ERAP1: variants seen among roughly 807,000 people sequenced by gnomAD.
ERAP1 encodes the protein adipocyte-derived leucine aminopeptidase.
A neutral mutation model predicts 103.7 loss-of-function variants in ERAP1; 86 were observed. The observed-to-expected ratio is 0.83, with a 90% CI of 0.70 to 0.99. ERAP1 has a LOEUF of 0.99. ERAP1 is among the 50% of genes least tolerant of loss of function. The pLI, the probability that ERAP1 is intolerant of heterozygous loss-of-function variation, is 0.00. For synonymous variants in ERAP1, 398 were observed against 402.4 expected (o/e 0.99, Z 0.13); for missense variants, 1,009 against 1,128.4 (o/e 0.89, Z 1.52).
the ERAP1 span, chr5:96,884,051 T>TATC: frequency 1.8e-6 from 1 of 566,224 alleles, no homozygotes; most frequent in Non-Finnish European, 3.0e-6. Context: ...TCTATCTATC[T>TATC]ATCTATCTAT....
chr5:96,905,690 C>T, the ERAP1 span, among the ~76,000 whole-genome samples: 1 of 151,968 alleles, frequency 6.6e-6, no homozygotes, highest in Non-Finnish European at 1.5e-5. Flanking sequence ...TTGAGATCAG[C>T]CTGGGCAACA....
rs117166376 is a variant in ERAP1 at position 96,786,724 on chromosome 5, G to C, written c.1680-175C>G. 1.3e-3 allele frequency: 773 copies of C among 588,226 alleles called. 8 individuals are homozygous for C. The East Asian group carries it at 0.02, about 15-fold the overall frequency. 36.4% of individuals were successfully genotyped at this position (588,226 alleles called of 1,614,324 possible). On this transcript the variant is annotated intron_variant, in intron 11 of 18. Transcript: ENST00000443439. ...TTTTCCAGCTTTGTAGGGAGTGTCAGCTCGGGCACTATTTCCTTTTCTTGG... is the reference window on the plus strand; with the variant it reads ...TTTTCCAGCTTTGTAGGGAGTGTCACCTCGGGCACTATTTCCTTTTCTTGG...
At chr5:96,918,085 C>G in the ERAP1 span, 1 of 152,644 alleles carries the variant, frequency 6.6e-6, no homozygotes, top group Non-Finnish European at 1.5e-5. Context: ...GCTGCCTGCT[C>G]TCAGCTATCG....
chr5:96,854,878 T>G, the ERAP1 span, among the ~76,000 whole-genome samples: 4 of 152,190 alleles, frequency 2.6e-5, no homozygotes, highest in East Asian at 7.7e-4. Flanking sequence ...GCCTTTTTAA[T>G]CATTAATTTT....
intron 15 of ERAP1, among the ~76,000 whole-genome samples, chr5:96,782,111 C>T (rs1354020745): frequency 2.0e-5 from 3 of 151,688 alleles, no homozygotes; most frequent in East Asian, 1.9e-4. Context: ...CCCGGGTTCA[C>T]GCCATTCTCC....
At chr5:96,776,729 G>T in intron 18 of ERAP1, 178 bp from the exon 19 acceptor site, 1 of 817,982 alleles carries the variant, frequency 1.2e-6, no homozygotes, top group Non-Finnish European at 1.8e-6. Context: ...CATGCCTCAT[G>T]ATGTCAAGTT....
At chr5:96,898,248 G>A in the ERAP1 span, among the ~76,000 whole-genome samples, 20 of 151,758 alleles carry the variant, frequency 1.3e-4, no homozygotes, top group African/African-American at 3.1e-4. Context: ...CAAAGTTAAA[G>A]AATAAAAAGC....
At chr5:96,813,650 CAAAAAAAAA>C in the ERAP1 span, among the ~76,000 whole-genome samples, 1,499 of 55,126 alleles carry the variant, frequency 0.027, 72 homozygotes, top group African/African-American at 0.1. Context: ...AGACTCATCT[CAAAAAAAAA>C]AAAAAAAAAA....
the ERAP1 span, among the ~76,000 whole-genome samples, chr5:96,840,312 T>G: frequency 1.3e-5 from 2 of 152,332 alleles, no homozygotes; most frequent in African/African-American, 4.8e-5. Context: ...AGCCCCAGAT[T>G]ATAATCTTTC....
At chr5:96,925,910 G>C in the ERAP1 span, among the ~76,000 whole-genome samples, 1 of 120,180 alleles carries the variant, frequency 8.3e-6, no homozygotes. Flanking sequence ...AGTATAATTT[G>C]CTTTTTTTTT....
Position 96,762,368 on chromosome 5 carries a change from C to T in ERAP1, c.*832G>A. ...CAAGCTGGAGCCCCACCCCGTGATA[C>T]CTCGGTAAGCAGCACATCTTATTTG... On this transcript the variant is annotated 3_prime_UTR_variant, in exon 20 of 20. Coordinates refer to the ERAP1 transcript ENST00000296754. 6.3e-7 allele frequency: 1 copy of T among 1,588,182 alleles called. No individual in the cohort carries two copies.
At chr5:96,823,162 G>A in the ERAP1 span, 2 of 455,800 alleles carry the variant, frequency 4.4e-6, no homozygotes, top group African/African-American at 4.0e-5. Context: ...CCATTAGGGT[G>A]AGCCTTACAA....
chr5:96,853,281 G>C, the ERAP1 span, among the ~76,000 whole-genome samples: 1 of 152,128 alleles, frequency 6.6e-6, no homozygotes, highest in Admixed American at 6.6e-5. Context: ...CAGGGGAGAG[G>C]TTGTTTGCTC....
chr5:96,792,495 G>A (rs1294893542), intron 7 of ERAP1, among the ~76,000 whole-genome samples: 1 of 152,030 alleles, frequency 6.6e-6, no homozygotes, highest in Non-Finnish European at 1.5e-5. Flanking sequence ...AACACAACAA[G>A]AAATTAACTG....
the ERAP1 span, chr5:96,934,384 A>G: frequency 6.6e-6 from 1 of 152,276 alleles, no homozygotes; most frequent in African/African-American, 2.4e-5. Context: ...TAGGCAAAGC[A>G]CTAAGCAGAA....
At chr5:96,793,725 T>C (rs935178077) in intron 6 of ERAP1, 78 bp downstream of exon 6, 64 of 1,342,624 alleles carry the variant, frequency 4.8e-5, no homozygotes, top group Non-Finnish European at 6.0e-5. Context: ...GTAAAAATTA[T>C]ATAAATAGCC....
chr5:96,794,512 T>G lies in ERAP1; in HGVS notation c.919+530A>C, dbSNP rs529713063. On this transcript the variant is annotated intron_variant, in intron 5 of 18. Transcript: ENST00000443439. Reference sequence around the variant, plus strand: ...GCCTTTTCAGGCCTCTTGACTCCATTTCTAACCTTCTGATGAGGAGTTTGG... The same window carrying G: ...GCCTTTTCAGGCCTCTTGACTCCATGTCTAACCTTCTGATGAGGAGTTTGG... Among the ~76,000 whole-genome samples, 11 of 152,244 alleles carry G rather than the reference T, an allele frequency of 7.2e-5. No individual in the cohort carries two copies. In the South Asian group the frequency reaches 2.3e-3, roughly 32 times the overall value.
At chr5:96,907,151 T>C in the ERAP1 span, among the ~76,000 whole-genome samples, 1 of 152,256 alleles carries the variant, frequency 6.6e-6, no homozygotes, top group Non-Finnish European at 1.5e-5. Flanking sequence ...GGACTTTTAC[T>C]GTTGAGCTAA....
chr5:96,864,824 A>G, the ERAP1 span, among the ~76,000 whole-genome samples: 1 of 151,978 alleles, frequency 6.6e-6, no homozygotes, highest in South Asian at 2.1e-4. Context: ...TTTTTTTTTC[A>G]AAGTGACTTA....
Sources: gnomAD v4.1 joint callset for allele counts (sites outside exome capture counted in the v4.1 genomes callset) on GRCh38, gnomAD v4.1.1 for gene constraint, MANE v1.5 for transcripts, NCBI Gene and HGNC (gene_info 2026-07-23, HGNC 2026-07-21) for gene names.